CD38: variants seen among roughly 807,000 people sequenced by gnomAD.
The protein encoded by CD38 is CD38 molecule, also known as ADP-ribosyl cyclase/cyclic ADP-ribose hydrolase 1.
In CD38, 31 loss-of-function variants were observed where a neutral mutation model predicts 36.3. The observed-to-expected ratio is 0.85, with a 90% CI of 0.64 to 1.15. The LOEUF (loss-of-function observed/expected upper bound fraction) is 1.15. Ranked by LOEUF, CD38 falls within the 50% of genes most tolerant of loss-of-function variation. The probability of loss-of-function intolerance (pLI) is 0.00; values close to 1 mark genes in which losing one functional copy is unlikely to be tolerated. For missense variants in CD38, 380 were observed against 371.9 expected, an observed-to-expected ratio of 1.02 and a Z score of -0.18; for synonymous variants, 131 against 135.2, an observed-to-expected ratio of 0.97 and a Z score of 0.22.
At chr4:15,779,618 A>G (rs1055223235) in intron 1 of CD38, among the ~76,000 whole-genome samples, 2 of 152,218 alleles carry the variant, frequency 1.3e-5, no homozygotes, top group African/African-American at 4.8e-5. Context: ...AGCACACTCA[A>G]CAGTTCCGGT....
At chr4:15,803,232 A>G (rs1224038515) in intron 1 of CD38, among the ~76,000 whole-genome samples, 2 of 152,202 alleles carry the variant, frequency 1.3e-5, no homozygotes, top group African/African-American at 2.4e-5. Context: ...CAAAGATTTT[A>G]TGGATAAGAC....
intron 1 of CD38, among the ~76,000 whole-genome samples, chr4:15,809,612 G>A (rs1374845937): frequency 6.6e-6 from 1 of 152,098 alleles, no homozygotes; most frequent in East Asian, 1.9e-4. Context: ...GAGAACCTCT[G>A]ACTTCCAACA....
intron 7 of CD38, among the ~76,000 whole-genome samples, chr4:15,848,284 G>C (rs1424751513): frequency 2.0e-5 from 3 of 152,140 alleles, no homozygotes; most frequent in African/African-American, 7.2e-5. Context: ...GGAAGCTTCG[G>C]AAGAGAGGAA....
Position 15,849,804 on chromosome 4 carries a change from G to A in CD38, c.*1202G>A, listed in dbSNP as rs1410005340. On this transcript the variant is annotated 3_prime_UTR_variant, in exon 8 of 8. Transcript: ENST00000226279. ...TTTACGTATTCAGCTTCTTGAGATG[G>A]AAGTTTAGATCACTGATCCTTCAGC... The A allele has an allele frequency of 6.6e-6, 1 of 152,136 alleles. No individual in the cohort carries two copies. Among genetic ancestry groups the A allele is most frequent in the Non-Finnish European group, 1.5e-5 (1 of 68,020 alleles). 9.4% of individuals were successfully genotyped at this position (152,136 alleles called of 1,614,324 possible).
intron 1 of CD38, among the ~76,000 whole-genome samples, chr4:15,806,485 CCCG>C (rs796225407): frequency 1.2e-4 from 19 of 152,244 alleles, no homozygotes; most frequent in African/African-American, 4.3e-4. Context: ...ATGCTAATAC[CCCG>C]CCCATGGACT....
chr4:15,848,013 G>C (rs1051287705), intron 7 of CD38, among the ~76,000 whole-genome samples: 1 of 152,186 alleles, frequency 6.6e-6, no homozygotes, highest in Non-Finnish European at 1.5e-5. Flanking sequence ...AGCTGCTTCT[G>C]AGGATCTCTC....
intron 1 of CD38, among the ~76,000 whole-genome samples, chr4:15,797,956 T>TG (rs1050622554): frequency 3.3e-5 from 5 of 152,214 alleles, no homozygotes; most frequent in Non-Finnish European, 5.9e-5. Context: ...CAACATCGTT[T>TG]GGGGGGGTAA....
chr4:15,781,780 G>A (rs1021544541), intron 1 of CD38, among the ~76,000 whole-genome samples: 3 of 152,144 alleles, frequency 2.0e-5, no homozygotes, highest in Admixed American at 6.5e-5. Context: ...TAATCATCAC[G>A]TACATGTTTT....
At chr4:15,796,958 T>C (rs905347177) in intron 1 of CD38, among the ~76,000 whole-genome samples, 1 of 152,178 alleles carries the variant, frequency 6.6e-6, no homozygotes, top group African/African-American at 2.4e-5. Flanking sequence ...TATACATACG[T>C]GGATGTGTGT....
chr4:15,824,129 A>T (rs544030947), intron 2 of CD38, among the ~76,000 whole-genome samples: 1 of 152,246 alleles, frequency 6.6e-6, no homozygotes, highest in Admixed American at 6.5e-5. Flanking sequence ...GGGGAAAAAC[A>T]CACACTGTAG....
intron 1 of CD38, among the ~76,000 whole-genome samples, chr4:15,816,166 C>T (rs1332556999): frequency 4.6e-5 from 7 of 152,098 alleles, no homozygotes; most frequent in Admixed American, 4.6e-4. Flanking sequence ...TTCAGTTTGC[C>T]AGTATTTTAG....
chr4:15,785,793 G>C (rs1049707689), intron 1 of CD38, among the ~76,000 whole-genome samples: 2 of 152,166 alleles, frequency 1.3e-5, no homozygotes, highest in Non-Finnish European at 2.9e-5. Flanking sequence ...GTGGGTTCTT[G>C]GTCTCACTAA....
chr4:15,779,909 A>G (rs1722653343), intron 1 of CD38, among the ~76,000 whole-genome samples: 1 of 152,134 alleles, frequency 6.6e-6, no homozygotes, highest in Admixed American at 6.5e-5. Flanking sequence ...AGATGTAACC[A>G]TTTCCTATTG....
At chr4:15,780,208 C>G (rs1722660323) in intron 1 of CD38, among the ~76,000 whole-genome samples, 1 of 152,110 alleles carries the variant, frequency 6.6e-6, no homozygotes, top group African/African-American at 2.4e-5. Context: ...TTTGATTTTT[C>G]CAAATTCCAG....
At chr4:15,809,839 T>C (rs1372429594) in intron 1 of CD38, among the ~76,000 whole-genome samples, 1 of 152,186 alleles carries the variant, frequency 6.6e-6, no homozygotes, top group Non-Finnish European at 1.5e-5. Context: ...GCTCCTTCTT[T>C]AGTTGGAAAG....
intron 2 of CD38, among the ~76,000 whole-genome samples, chr4:15,824,659 A>T (rs1168390627): frequency 6.7e-6 from 1 of 149,646 alleles, no homozygotes; most frequent in Non-Finnish European, 1.5e-5. Context: ...AGAATAAAAG[A>T]TTCATTTACA....
At chr4:15,799,276 C>T (rs1334676912) in intron 1 of CD38, among the ~76,000 whole-genome samples, 2 of 152,076 alleles carry the variant, frequency 1.3e-5, no homozygotes, top group South Asian at 2.1e-4. Flanking sequence ...CATCCTTTAT[C>T]GAGGGTTTTC....
At chr4:15,834,072 G>C (rs190371721) in intron 3 of CD38, 145 bp from the exon 4 acceptor site, 31 of 602,350 alleles carry the variant, frequency 5.1e-5, no homozygotes, top group Non-Finnish European at 8.7e-5. Flanking sequence ...AGTTAAATTG[G>C]GTCAAAATGT....
chr4:15,805,233 T>A (rs1030272773), intron 1 of CD38, among the ~76,000 whole-genome samples: 9 of 152,176 alleles, frequency 5.9e-5, no homozygotes, highest in African/African-American at 1.7e-4. Flanking sequence ...AACAAAGTTT[T>A]AAAAAAATCT....
Sources: allele counts gnomAD v4.1 joint callset (sites outside exome capture counted in the v4.1 genomes callset), GRCh38; gene constraint gnomAD v4.1.1; transcripts MANE v1.5; gene names NCBI Gene and HGNC (gene_info 2026-07-23, HGNC 2026-07-21).